Variants in SAMD5 observed in about 807,000 individuals in gnomAD.
SAMD5 encodes the protein sterile alpha motif domain containing 5.
Under a neutral mutation model 11.3 loss-of-function variants are expected in SAMD5, and 13 were observed. The observed-to-expected ratio is 1.15, with a 90% CI of 0.75 to 1.83. The LOEUF (loss-of-function observed/expected upper bound fraction) is 1.83, where lower values mean the gene tolerates loss of function less well. SAMD5 is among the 40% of genes most tolerant of loss of function. The pLI is 0.00. For missense variants in SAMD5, 255 were observed against 239.1 expected, an observed-to-expected ratio of 1.07 and a Z score of -0.44; for synonymous variants, 129 against 111.3, an observed-to-expected ratio of 1.16 and a Z score of -1.00.
At chr6:147,746,131 A>G in the SAMD5 span, among the ~76,000 whole-genome samples, 1 of 152,212 alleles carries the variant, frequency 6.6e-6, no homozygotes, top group Non-Finnish European at 1.5e-5. Flanking sequence ...GAGGATGAGT[A>G]GTTTGAAGAC....
At chr6:147,697,629 A>C (rs1791195343) in intron 1 of SAMD5, among the ~76,000 whole-genome samples, 1 of 152,232 alleles carries the variant, frequency 6.6e-6, no homozygotes, top group Admixed American at 6.5e-5. Flanking sequence ...TAAAAAAACT[A>C]AACTAAAACT....
intron 1 of SAMD5, among the ~76,000 whole-genome samples, chr6:147,617,980 A>G (rs1789897312): frequency 6.6e-6 from 1 of 152,242 alleles, no homozygotes; most frequent in African/African-American, 2.4e-5. Context: ...TTTGTTCAAC[A>G]AACATTTATT....
At chr6:147,564,371 C>G in intron 1 of SAMD5, 23 bp from the exon 2 acceptor site, 2 of 780,128 alleles carry the variant, frequency 2.6e-6, no homozygotes, top group Non-Finnish European at 4.8e-6. Context: ...ACTTCAATAA[C>G]CCAGATATGT....
chr6:147,591,017 T>C lies in SAMD5; in HGVS notation c.162+81630T>C, dbSNP rs946941045. Among the ~76,000 whole-genome samples the C allele has an allele frequency of 2.6e-5, 4 of 152,332 alleles. No individual in the cohort carries two copies. In the East Asian group the frequency reaches 5.8e-4, roughly 22 times the overall value. On this transcript the variant is annotated intron_variant, in intron 1 of 1. Coordinates refer to the SAMD5 transcript ENST00000566741. ...ATGTGACTTTTTCTCCTGGGTGTAT[T>C]AGTGCTATTCTTCGAGGTCTTTTAA...
At chr6:147,756,087 G>A in the SAMD5 span, among the ~76,000 whole-genome samples, 6 of 151,456 alleles carry the variant, frequency 4.0e-5, no homozygotes, top group Non-Finnish European at 5.9e-5. Flanking sequence ...TTGTAGGCAT[G>A]TCTGATGAGT....
chr6:147,544,686 CT>C (rs1249102532), intron 1 of SAMD5, among the ~76,000 whole-genome samples: 2 of 152,118 alleles, frequency 1.3e-5, no homozygotes, highest in Non-Finnish European at 2.9e-5. Flanking sequence ...TGATGTACTG[CT>C]TTATATCCTT....
At chr6:147,812,854 C>T in the SAMD5 span, among the ~76,000 whole-genome samples, 1 of 152,176 alleles carries the variant, frequency 6.6e-6, no homozygotes, top group African/African-American at 2.4e-5. Context: ...GTTTAAAATG[C>T]TGGTAAATTA....
chr6:147,775,276 A>C, the SAMD5 span, among the ~76,000 whole-genome samples: 2 of 152,120 alleles, frequency 1.3e-5, no homozygotes, highest in Non-Finnish European at 2.9e-5. Context: ...CAAGTTAATT[A>C]ACCCCTGTAA....
intron 1 of SAMD5, among the ~76,000 whole-genome samples, chr6:147,557,378 G>A (rs1285985182): frequency 1.3e-5 from 2 of 152,328 alleles, no homozygotes; most frequent in South Asian, 2.1e-4. Context: ...AACAACAGAA[G>A]TTTGTTTTCT....
chr6:147,588,312 G>GTTTTTTT (rs34758455), intron 1 of SAMD5, among the ~76,000 whole-genome samples: 1 of 103,140 alleles, frequency 9.7e-6, no homozygotes, highest in African/African-American at 4.0e-5. Flanking sequence ...TACTTTGTTG[G>GTTTTTTT]TTTTTTTTTT....
At chr6:147,748,330 G>A in the SAMD5 span, among the ~76,000 whole-genome samples, 7 of 152,270 alleles carry the variant, frequency 4.6e-5, no homozygotes, top group African/African-American at 7.2e-5. Flanking sequence ...AGATTCTACC[G>A]CTAACCAGTT....
At chr6:147,623,176 A>G (rs563335452) in intron 1 of SAMD5, among the ~76,000 whole-genome samples, 1 of 152,308 alleles carries the variant, frequency 6.6e-6, no homozygotes, top group East Asian at 1.9e-4. Context: ...ACAGTTTATA[A>G]GCCTGTCAGC....
At chr6:147,512,460 C>T (rs1035671370) in intron 1 of SAMD5, among the ~76,000 whole-genome samples, 16 of 152,170 alleles carry the variant, frequency 1.1e-4, no homozygotes, top group African/African-American at 3.6e-4. Flanking sequence ...AGGGGTCTTC[C>T]CAAGAATCAC....
chr6:147,789,979 A>T, the SAMD5 span, among the ~76,000 whole-genome samples: 4 of 152,224 alleles, frequency 2.6e-5, no homozygotes, highest in South Asian at 8.3e-4. Flanking sequence ...ACTCTCATTC[A>T]TTGCTGGTGG....
chr6:147,859,549 G>A, the SAMD5 span, among the ~76,000 whole-genome samples: 1 of 152,178 alleles, frequency 6.6e-6, no homozygotes, highest in African/African-American at 2.4e-5. Context: ...CGAAACATTA[G>A]TGGCTAAAAG....
intron 1 of SAMD5, among the ~76,000 whole-genome samples, chr6:147,516,509 T>C (rs1788173082): frequency 6.6e-6 from 1 of 152,164 alleles, no homozygotes; most frequent in Non-Finnish European, 1.5e-5. Context: ...CTAACACTCA[T>C]GAACTTATTA....
intron 1 of SAMD5, among the ~76,000 whole-genome samples, chr6:147,640,622 TGAA>T (rs551011949): frequency 2.9e-4 from 44 of 151,966 alleles, no homozygotes; most frequent in Non-Finnish European, 3.4e-4. Flanking sequence ...TCTCACATAT[TGAA>T]GAAGGACATA....
chr6:147,916,392 T>C, the SAMD5 span, among the ~76,000 whole-genome samples: 30 of 151,620 alleles, frequency 2.0e-4, no homozygotes, highest in East Asian at 4.3e-3. Context: ...GTTCCTATTT[T>C]TCCACATCCT....
the SAMD5 span, among the ~76,000 whole-genome samples, chr6:147,893,786 A>T: frequency 6.6e-6 from 1 of 152,208 alleles, no homozygotes; most frequent in Admixed American, 6.5e-5. Context: ...TAAAAGATGA[A>T]CAGTTCTTAA....
Sources: allele counts gnomAD v4.1 joint callset (sites outside exome capture counted in the v4.1 genomes callset), GRCh38; gene constraint gnomAD v4.1.1; transcripts MANE v1.5; gene names NCBI Gene and HGNC (gene_info 2026-07-23, HGNC 2026-07-21).